The following LIPJ variants were observed in gnomAD, a reference collection of about 807,000 sequenced individuals.
The protein encoded by LIPJ is lipase member J.
In LIPJ, 33 loss-of-function variants were observed where a neutral mutation model predicts 39.8. That is an observed-to-expected ratio of 0.83 (90% CI 0.63 to 1.11). The LOEUF (loss-of-function observed/expected upper bound fraction) is 1.11. Among genes scored for constraint, LIPJ ranks in the 50% least tolerant of loss-of-function variants. LIPJ has a pLI of 0.00. For synonymous variants in LIPJ, 128 were observed against 139.2 expected (o/e 0.92, Z 0.57); for missense variants, 422 against 427.9 (o/e 0.99, Z 0.12).
the LIPJ span, among the ~76,000 whole-genome samples, chr10:88,613,800 A>ATATATATATATATATATGTGTG: frequency 3.4e-3 from 251 of 73,916 alleles, no homozygotes; most frequent in Non-Finnish European, 5.2e-3. Context: ...ATATATATAT[A>ATATATATATATATATATGTGTG]TGTGTGTGTG....
At chr10:88,590,718 C>A in intron 3 of LIPJ, 22 bp downstream of exon 3, 5 of 1,573,612 alleles carry the variant, frequency 3.2e-6, no homozygotes, top group South Asian at 1.1e-5. Flanking sequence ...GAAAATAAAT[C>A]TGGACTGCTG....
rs180782091 is a variant in LIPJ at position 88,603,684 on chromosome 10, T to C, written c.795+1037T>C. Among the ~76,000 whole-genome samples, 106 of 152,288 alleles carry C rather than the reference T, an allele frequency of 7.0e-4. 2 individuals are homozygous for C. The highest frequency in any genetic ancestry group is 2.9e-4 in the Non-Finnish European group (20 of 68,020). On this transcript the variant is annotated intron_variant, in intron 9 of 10. Transcript: ENST00000371939. ...TCTCTGATTTAACTAAGAAAAATAT[T>C]GTAAGAATTGAAAAGGCTAATGATT...
chr10:88,587,370 T>C (rs567721346), exon 2 of LIPJ: 9 of 152,232 alleles, frequency 5.9e-5, no homozygotes, highest in African/African-American at 2.2e-4. Flanking sequence ...TATTGGACAC[T>C]TAAAATCAAC....
At chr10:88,619,783 C>A in the LIPJ span, among the ~76,000 whole-genome samples, 28 of 151,970 alleles carry the variant, frequency 1.8e-4, no homozygotes, top group African/African-American at 6.5e-4. Context: ...TAAATGTAAA[C>A]CCCAAAGCAT....
At chr10:88,616,922 C>T in the LIPJ span, among the ~76,000 whole-genome samples, 1 of 152,128 alleles carries the variant, frequency 6.6e-6, no homozygotes, top group African/African-American at 2.4e-5. Flanking sequence ...GGCTGGTGCT[C>T]AGTCTCTGCT....
At chr10:88,594,935 T>C (rs912141115) in intron 6 of LIPJ, among the ~76,000 whole-genome samples, 159 bp downstream of exon 6, 3 of 151,870 alleles carry the variant, frequency 2.0e-5, no homozygotes, top group Non-Finnish European at 2.9e-5. Context: ...TACATGCTGC[T>C]TTGATCCCCC....
At chr10:88,590,842 C>G in intron 3 of LIPJ, 146 bp downstream of exon 3, 1 of 581,842 alleles carries the variant, frequency 1.7e-6, no homozygotes, top group Non-Finnish European at 3.0e-6. Flanking sequence ...AGCTTAGTTT[C>G]TCCTTCAGCC....
At chr10:88,598,985 TATAAA>T (rs1851363046) in intron 8 of LIPJ, among the ~76,000 whole-genome samples, 1 of 146,206 alleles carries the variant, frequency 6.8e-6, no homozygotes, top group South Asian at 2.1e-4. Flanking sequence ...ATTACAATAA[TATAAA>T]ATATTATATT....
At chr10:88,613,772 A>G in the LIPJ span, among the ~76,000 whole-genome samples, 4,493 of 40,606 alleles carry the variant, frequency 0.11, 123 homozygotes, top group East Asian at 0.37. Flanking sequence ...GTGTGTGTGT[A>G]TATATATATA....
chr10:88,594,600 A>T, intron 5 of LIPJ, 67 bp from the exon 6 acceptor site: 1 of 747,940 alleles, frequency 1.3e-6, no homozygotes, highest in Non-Finnish European at 2.1e-6. Context: ...TTATCTCTTC[A>T]TTATTTTCAA....
At chr10:88,613,108 G>A in the LIPJ span, among the ~76,000 whole-genome samples, 1 of 152,186 alleles carries the variant, frequency 6.6e-6, no homozygotes, top group African/African-American at 2.4e-5. Flanking sequence ...AGCTAGCGTA[G>A]TTGCAGGGTG....
At chr10:88,597,551 G>C (rs896032562) in intron 8 of LIPJ, among the ~76,000 whole-genome samples, 2 of 151,826 alleles carry the variant, frequency 1.3e-5, no homozygotes, top group African/African-American at 4.8e-5. Context: ...TGGACTAGAG[G>C]TTGGTTCTTG....
intron 8 of LIPJ, among the ~76,000 whole-genome samples, chr10:88,601,563 C>T (rs1219466514): frequency 6.6e-6 from 1 of 152,126 alleles, no homozygotes; most frequent in Non-Finnish European, 1.5e-5. Flanking sequence ...GGCTCTAATT[C>T]CCTGCACCAT....
exon 1 of LIPJ, chr10:88,586,841 G>A (rs948650575): frequency 6.6e-6 from 1 of 152,030 alleles, no homozygotes; most frequent in Non-Finnish European, 1.5e-5. Flanking sequence ...AAGATAGACC[G>A]GATGGTAATT....
chr10:88,609,534 C>A (rs1313116854), downstream of LIPJ, among the ~76,000 whole-genome samples: 2 of 152,060 alleles, frequency 1.3e-5, no homozygotes, highest in African/African-American at 4.8e-5. Context: ...TAACTTAGAT[C>A]TGGAAAAAGC....
At chr10:88,596,141 G>A (rs931302014) in intron 6 of LIPJ, 139 bp from the exon 7 acceptor site, 21 of 558,368 alleles carry the variant, frequency 3.8e-5, no homozygotes, top group African/African-American at 3.5e-4. Flanking sequence ...ATTTAAAAAT[G>A]TTTGATAAAT....
At chr10:88,619,798 C>T in the LIPJ span, among the ~76,000 whole-genome samples, 1 of 151,974 alleles carries the variant, frequency 6.6e-6, no homozygotes, top group East Asian at 1.9e-4. Context: ...AAGCATAAAA[C>T]TTCTATAGAA....
At chr10:88,596,166 G>A (rs938530458) in intron 6 of LIPJ, 114 bp from the exon 7 acceptor site, 21 of 663,018 alleles carry the variant, frequency 3.2e-5, no homozygotes, top group Non-Finnish European at 4.7e-5. Context: ...TAAGAAATAA[G>A]TTAATTGTTC....
the LIPJ span, among the ~76,000 whole-genome samples, chr10:88,616,660 C>A: frequency 6.6e-6 from 1 of 152,248 alleles, no homozygotes; most frequent in African/African-American, 2.4e-5. Flanking sequence ...CTGGAAGACT[C>A]TGACGGAGCA....
Sources: allele counts gnomAD v4.1 joint callset (sites outside exome capture counted in the v4.1 genomes callset), GRCh38; gene constraint gnomAD v4.1.1; transcripts MANE v1.5; gene names NCBI Gene and HGNC (gene_info 2026-07-23, HGNC 2026-07-21).